GRIK2: variants seen among roughly 807,000 people sequenced by gnomAD.
The protein encoded by GRIK2 is glutamate ionotropic receptor kainate type subunit 2, also known as glutamate receptor ionotropic, kainate 2.
A neutral mutation model predicts 100.3 loss-of-function variants in GRIK2; 32 were observed. The observed-to-expected ratio is 0.32, with a 90% CI of 0.24 to 0.43. The LOEUF (loss-of-function observed/expected upper bound fraction) is 0.43. GRIK2 is among the 20% of genes least tolerant of loss of function. GRIK2 has a pLI of 1.00. For synonymous variants in GRIK2, 417 were observed against 389.4 expected (o/e 1.07, Z -0.83); for missense variants, 843 against 1,114.9 (o/e 0.76, Z 3.47).
At chr6:101,905,864 A>G (rs1220267028) in intron 12 of GRIK2, among the ~76,000 whole-genome samples, 1 of 151,452 alleles carries the variant, frequency 6.6e-6, no homozygotes, top group African/African-American at 2.4e-5. Flanking sequence ...TAAAAAATGG[A>G]ATTTTTATTT....
In GRIK2 at chr6:101,401,773, T is replaced by C. The variant is rs560438383; in HGVS notation, c.115+2381T>C. ...CTCTTGAGAATGGTTATTTTCAACTTTGGCTCAAAAGTCCAGCCAGTGCCT... is the reference window on the plus strand; with the variant it reads ...CTCTTGAGAATGGTTATTTTCAACTCTGGCTCAAAAGTCCAGCCAGTGCCT... On this transcript the variant is annotated intron_variant, in intron 2 of 16. Transcript: ENST00000369134. 1.8e-3 allele frequency among the ~76,000 whole-genome samples: 269 copies of C among 152,308 alleles called. 2 individuals carry two copies. Among genetic ancestry groups the C allele is most frequent in the African/African-American group, 6.4e-3 (265 of 41,578 alleles).
intron 2 of GRIK2, among the ~76,000 whole-genome samples, chr6:101,407,925 T>C (rs1307190573): frequency 6.6e-6 from 1 of 152,210 alleles, no homozygotes. Context: ...CCTGAAAACA[T>C]TGTGTGGTAG....
intron 15 of GRIK2, among the ~76,000 whole-genome samples, chr6:102,045,738 C>CA (rs1417880512): frequency 1.3e-5 from 2 of 151,994 alleles, no homozygotes; most frequent in Non-Finnish European, 2.9e-5. Context: ...GAAATACACA[C>CA]ATACCAAGAG....
intron 7 of GRIK2, among the ~76,000 whole-genome samples, chr6:101,761,536 C>A (rs114987282): frequency 0.011 from 1,613 of 152,122 alleles, 28 homozygotes; most frequent in African/African-American, 0.037. Context: ...TTTAGCTTTC[C>A]CACATTATTT....
At chr6:101,598,592 T>TAAAAAAAAAAAAAA (rs75603851) in intron 2 of GRIK2, among the ~76,000 whole-genome samples, 1 of 82,388 alleles carries the variant, frequency 1.2e-5, no homozygotes, top group Non-Finnish European at 2.4e-5. Context: ...TCTTCCTTAA[T>TAAAAAAAAAAAAAA]AAAAAAAAAA....
At chr6:101,797,155 C>G (rs1380246762) in intron 7 of GRIK2, among the ~76,000 whole-genome samples, 2 of 151,794 alleles carry the variant, frequency 1.3e-5, no homozygotes, top group African/African-American at 4.8e-5. Flanking sequence ...GTTATTTTTT[C>G]CATAATAGAT....
intron 3 of GRIK2, among the ~76,000 whole-genome samples, chr6:101,625,145 G>A (rs1388247150): frequency 4.6e-5 from 7 of 151,952 alleles, no homozygotes; most frequent in African/African-American, 7.2e-5. Context: ...AGGCCGAGGC[G>A]GGTGGATCAC....
At chr6:101,405,722 T>C (rs1213433245) in intron 2 of GRIK2, among the ~76,000 whole-genome samples, 4 of 152,206 alleles carry the variant, frequency 2.6e-5, no homozygotes, top group Admixed American at 6.5e-5. Context: ...CTGCTTAACA[T>C]TGGGAACATT....
chr6:101,698,051 T>C (rs894775944), intron 7 of GRIK2, among the ~76,000 whole-genome samples: 1 of 152,126 alleles, frequency 6.6e-6, no homozygotes, highest in East Asian at 1.9e-4. Flanking sequence ...AATGCAACTG[T>C]GTAAATATTT....
intron 7 of GRIK2, among the ~76,000 whole-genome samples, chr6:101,791,588 T>C (rs887746204): frequency 2.0e-5 from 3 of 148,090 alleles, no homozygotes; most frequent in African/African-American, 7.4e-5. Context: ...TGTTATAATT[T>C]CTTTTTTTTT....
At chr6:102,029,452 C>T (rs1769871111) in intron 14 of GRIK2, among the ~76,000 whole-genome samples, 1 of 151,198 alleles carries the variant, frequency 6.6e-6, no homozygotes, top group South Asian at 2.1e-4. Context: ...TTCATTTTTA[C>T]CTCATCACTG....
At chr6:102,060,567 G>A (rs1771696656) in intron 16 of GRIK2, among the ~76,000 whole-genome samples, 1 of 150,728 alleles carries the variant, frequency 6.6e-6, no homozygotes, top group South Asian at 2.1e-4. Flanking sequence ...TCTAACAGGA[G>A]CAATGCTTTT....
intron 16 of GRIK2, among the ~76,000 whole-genome samples, chr6:102,064,768 G>A (rs1482061406): frequency 1.3e-5 from 2 of 150,918 alleles, no homozygotes; most frequent in Admixed American, 1.3e-4. Flanking sequence ...ATCAAGATAT[G>A]GAATTTGCCT....
At chr6:101,721,623 T>C (rs868151477) in intron 7 of GRIK2, among the ~76,000 whole-genome samples, 1 of 152,124 alleles carries the variant, frequency 6.6e-6, no homozygotes, top group South Asian at 2.1e-4. Context: ...AAATAAATAA[T>C]AAATATGTTT....
At chr6:101,707,323 C>G (rs1773372086) in intron 7 of GRIK2, among the ~76,000 whole-genome samples, 1 of 150,934 alleles carries the variant, frequency 6.6e-6, no homozygotes, top group African/African-American at 2.4e-5. Flanking sequence ...AACTTATAAG[C>G]AAGTATGGAA....
At chr6:101,951,340 G>T (rs1031282629) in intron 14 of GRIK2, among the ~76,000 whole-genome samples, 1 of 152,138 alleles carries the variant, frequency 6.6e-6, no homozygotes. Context: ...AAATCTGATA[G>T]AATTCATCTT....
At chr6:101,394,884 G>A (rs929218323) in intron 1 of GRIK2, among the ~76,000 whole-genome samples, 6 of 152,084 alleles carry the variant, frequency 3.9e-5, no homozygotes, top group African/African-American at 1.4e-4. Flanking sequence ...GCAATGTTTG[G>A]AAGTCTTATC....
intron 4 of GRIK2, among the ~76,000 whole-genome samples, chr6:101,648,842 C>G (rs1256707228): frequency 6.6e-6 from 1 of 152,018 alleles, no homozygotes; most frequent in Non-Finnish European, 1.5e-5. Flanking sequence ...TTAATGGACT[C>G]ACAGTTCCAC....
Position 101,996,729 on chromosome 6 carries a change from T to C in GRIK2, c.2086-38612T>C, listed in dbSNP as rs369773408. On this transcript the variant is annotated intron_variant, in intron 14 of 16. Transcript: ENST00000369134. ...GGAAGTGAGGGACAGAGTCCTGTAG[T>C]TGGCCTTAAAATCCTGCCCCACAGG... Among the ~76,000 whole-genome samples, 52 of 152,256 alleles carry C rather than the reference T, an allele frequency of 3.4e-4. 1 individual carries two copies. Among genetic ancestry groups the C allele is most frequent in the African/African-American group, 1.2e-3 (48 of 41,586 alleles).
Sources: allele counts gnomAD v4.1 joint callset (sites outside exome capture counted in the v4.1 genomes callset), GRCh38; gene constraint gnomAD v4.1.1; transcripts MANE v1.5; gene names NCBI Gene and HGNC (gene_info 2026-07-23, HGNC 2026-07-21).